Variants in OPN4 observed in about 807,000 individuals in gnomAD.
OPN4 encodes opsin 4.
In OPN4, 43 loss-of-function variants were observed where a neutral mutation model predicts 49.5. The ratio of observed to expected loss-of-function variants is 0.87; its 90% CI spans 0.68 to 1.12. The LOEUF (loss-of-function observed/expected upper bound fraction) is 1.12. OPN4 is among the 50% of genes most tolerant of loss of function. The pLI, the probability that OPN4 is intolerant of heterozygous loss-of-function variation, is 0.00. For synonymous variants in OPN4, 263 were observed against 258.0 expected (o/e 1.02, Z -0.19); for missense variants, 657 against 643.9 (o/e 1.02, Z -0.22).
At chr10:86,657,162 C>T (rs751837806) in intron 2 of OPN4, 2 of 780,006 alleles carry the variant, frequency 2.6e-6, no homozygotes, top group East Asian at 2.4e-5. Context: ...GTCATTTCTC[C>T]TCCTTGAGCT....
At position 86,659,339 on chromosome 10, in the gene OPN4, AC is replaced by A. The variant is rs766858033; in HGVS notation, c.672del (p.Tyr225ThrfsTer2). ...PEGLLTSCSW[D>X]YMSFTPAVRA... Reference sequence around the variant, plus strand: ...GGGTTGCTGACATCCTGCTCCTGGGACTACATGAGCTTCACGCCGGCCGTGC... The same window carrying A: ...GGGTTGCTGACATCCTGCTCCTGGGATACATGAGCTTCACGCCGGCCGTGC... On this transcript the variant is annotated frameshift_variant, in exon 5 of 10. Coordinates refer to ENST00000241891, the MANE Select transcript of OPN4 (RefSeq NM_033282.4). LOFTEE classifies it high-confidence loss of function. The A allele has an allele frequency of 6.8e-6, 11 of 1,613,580 alleles. No homozygotes were observed. The highest frequency in any genetic ancestry group is 9.3e-6 in the Non-Finnish European group (11 of 1,180,004).
Position 86,662,448 on chromosome 10 carries a change from C to T in OPN4, c.1254+16C>T, listed in dbSNP as rs1183318138. ...GAGTGAGGTGGTAAGGATGCTGGGC[C>T]CTCACCAGCTTGCGCCTGGCCATCC... On this transcript the variant is annotated intron_variant, in intron 8 of 9. Coordinates refer to ENST00000241891, the MANE Select transcript of OPN4 (RefSeq NM_033282.4). The T allele has an allele frequency of 6.5e-7, 1 of 1,540,570 alleles. No homozygotes were observed. The highest frequency in any genetic ancestry group is 2.4e-5 in the East Asian group (1 of 40,898).
At chr10:86,657,775 T>C (rs189394615) in intron 2 of OPN4, among the ~76,000 whole-genome samples, 7 of 152,170 alleles carry the variant, frequency 4.6e-5, no homozygotes, top group Non-Finnish European at 7.4e-5. Flanking sequence ...AACTGCCCCC[T>C]GCTTCTCTCT....
At position 86,666,074 on chromosome 10, in the gene OPN4, C is replaced by A; in HGVS notation, c.*323C>A. The stretch of plus-strand genomic sequence containing the variant: ...TGTGCTGCAATTGTCCAGGCGATGA[C>A]AATGGTGATGGCTCCAGAGAACACA... On this transcript the variant is annotated 3_prime_UTR_variant, in exon 10 of 10. Transcript: ENST00000241891. 2.6e-6 allele frequency: 1 copy of A among 383,040 alleles called. No individual in the cohort carries two copies. The highest frequency in any genetic ancestry group is 3.7e-5 in the South Asian group (1 of 26,876). 23.7% of individuals were successfully genotyped at this position (383,040 alleles called of 1,614,324 possible).
At chr10:86,657,333 A>G in intron 2 of OPN4, 1 of 736,998 alleles carries the variant, frequency 1.4e-6, no homozygotes, top group Non-Finnish European at 2.5e-6. Flanking sequence ...GAAAATGGGG[A>G]CAATGACGCC....
chr10:86,659,360 C>A lies in OPN4; in HGVS notation c.692C>A (p.Ala231Asp), dbSNP rs1302819240. ...TGGGACTACATGAGCTTCACGCCGGCCGTGCGTGCCTACACCATGCTTCTC... is the reference window on the plus strand; with the variant it reads ...TGGGACTACATGAGCTTCACGCCGGACGTGCGTGCCTACACCATGCTTCTC... ...CSWDYMSFTP[A>D]VRAYTMLLCC... is the part of the protein sequence containing the mutation. Residue 231 changes from alanine to aspartate, a missense_variant, in exon 5 of 10, where the codon GCC becomes GAC. Transcript: ENST00000241891. The A allele has an allele frequency of 6.2e-7, 1 of 1,613,948 alleles. No homozygotes were observed. The highest frequency in any genetic ancestry group is 8.5e-7 in the Non-Finnish European group (1 of 1,180,026).
At chr10:86,655,174 G>C (rs1045413849) in intron 1 of OPN4, among the ~76,000 whole-genome samples, 6 of 152,222 alleles carry the variant, frequency 3.9e-5, no homozygotes, top group African/African-American at 1.2e-4. Context: ...AGGACAAGGG[G>C]CTGGAATGGC....
rs538799376 is a variant in OPN4, at chr10:86,664,098, G to A, written c.1398+296G>A. On this transcript the variant is annotated intron_variant, in intron 9 of 9. Transcript: ENST00000241891. ...GCTGTGGCATGATAAGAGTACATGT[G>A]TGTGTTGATGAGGGTAGGAGGTCTG... is the stretch of plus-strand genomic sequence containing the variant. 2.7e-5 allele frequency: 9 copies of A among 329,258 alleles called. No individual in the cohort carries two copies. The East Asian group carries it at 5.2e-4, about 19-fold the overall frequency. 20.4% of individuals were successfully genotyped at this position (329,258 alleles called of 1,614,324 possible). A position where few individuals can be genotyped will look rare whatever the true frequency, so the allele number is the denominator to read the frequency against.
At chr10:86,665,306 A>AG (rs1373688620) in intron 9 of OPN4, among the ~76,000 whole-genome samples, 1 of 151,996 alleles carries the variant, frequency 6.6e-6, no homozygotes, top group African/African-American at 2.4e-5. Flanking sequence ...AAGCCCTGGG[A>AG]GGGGGTTGGT....
chr10:86,659,826 C>T (rs1363558635), intron 5 of OPN4, 69 bp from the exon 6 acceptor site: 20 of 1,522,874 alleles, frequency 1.3e-5, no homozygotes, highest in Admixed American at 6.8e-5. Flanking sequence ...GGCTCCCCAA[C>T]AGCAGCCGTG....
chr10:86,654,889 A>C lies in OPN4; in HGVS notation c.106A>C (p.Ile36Leu), dbSNP rs1449455043. The change falls in exon 1 of 10, where the codon ATC (isoleucine) becomes CTC (leucine). Residue 36 changes from isoleucine (I) to leucine (L), a missense_variant. By Grantham distance (5) the Ile-to-Leu change is conservative. Coordinates refer to ENST00000241891, the MANE Select transcript of OPN4 (RefSeq NM_033282.4). ...PSWWDSSQSS[I>L]SSLGRLPSIS... is the part of the protein sequence containing the mutation. ...CTGGTGGGACAGCTCCCAGAGCAGCATCTCCAGCCTGGGCCGGCTTCCATC... is the reference window on the plus strand; with the variant it reads ...CTGGTGGGACAGCTCCCAGAGCAGCCTCTCCAGCCTGGGCCGGCTTCCATC... 1 of 1,595,118 alleles carries C rather than the reference A, an allele frequency of 6.3e-7. No individual in the cohort carries two copies.
At chr10:86,661,943 C>T (rs1312685545) in intron 7 of OPN4, among the ~76,000 whole-genome samples, 1 of 152,154 alleles carries the variant, frequency 6.6e-6, no homozygotes, top group African/African-American at 2.4e-5. Flanking sequence ...TCCCTGGTCT[C>T]CATTACCAGA....
At chr10:86,663,327 A>G (rs1844061676) in intron 8 of OPN4, among the ~76,000 whole-genome samples, 1 of 152,212 alleles carries the variant, frequency 6.6e-6, no homozygotes, top group African/African-American at 2.4e-5. Context: ...AAACCACTGT[A>G]GTGAATAACA....
rs1463519302 is a variant in OPN4, at chr10:86,661,318, C to T, written c.1003C>T (p.Pro335Ser). Residue 335 changes from proline to serine, a missense_variant, in exon 7 of 10, where the codon CCA (proline) becomes TCA (serine). By Grantham distance (74) the Pro-to-Ser change is moderately conservative (BLOSUM62 -1). Transcript: ENST00000241891. Reference protein sequence around the residue: ...HVLTPYMSSVPAVIAKASAIH... With the variant: ...HVLTPYMSSVSAVIAKASAIH... ...CCTGACACCCTACATGAGCTCGGTG[C>T]CAGCCGTCATCGCCAAGGCCTCTGC... The T allele has an allele frequency of 2.5e-6, 4 of 1,613,946 alleles. No individual in the cohort carries two copies. The highest frequency in any genetic ancestry group is 3.4e-6 in the Non-Finnish European group (4 of 1,179,992).
chr10:86,658,286 C>A lies in OPN4; in HGVS notation c.424+121C>A, dbSNP rs1843917066. On this transcript the variant is annotated intron_variant, in intron 3 of 9. Coordinates refer to ENST00000241891, the MANE Select transcript of OPN4 (RefSeq NM_033282.4). Reference sequence around the variant, plus strand: ...CTTCTGGGCAGAGAGTGGGTAGCTGCCCTCAGTCCTGTGAGTAAGCAAGAA... The same window carrying A: ...CTTCTGGGCAGAGAGTGGGTAGCTGACCTCAGTCCTGTGAGTAAGCAAGAA... 2.2e-6 allele frequency: 3 copies of A among 1,376,042 alleles called. No homozygotes were observed. In the East Asian group the frequency reaches 6.9e-5, roughly 32 times the overall value. The allele number at this position is 1,376,042 out of a possible 1,614,324, so 85.2% of individuals were successfully genotyped here.
rs1162406448 is a variant in OPN4, at chr10:86,654,732, C to T, written c.-52C>T. On this transcript the variant is annotated 5_prime_UTR_variant, in exon 1 of 10. Transcript: ENST00000241891. ...TGAGCACAGCTGAAGTCCTGAGCTC[C>T]CTGTGCCCTTGACTTCTCTGTGGGC... is the stretch of plus-strand genomic sequence containing the variant. The T allele has an allele frequency of 5.7e-6, 9 of 1,577,888 alleles. No individual in the cohort carries two copies. Among genetic ancestry groups the T allele is most frequent in the Non-Finnish European group, 7.8e-6 (9 of 1,155,254 alleles).
In OPN4 at chr10:86,663,686, G is replaced by T. The variant is rs763234972; in HGVS notation, c.1282G>T (p.Val428Leu). Residue 428 changes from valine to leucine, a missense_variant, in exon 9 of 10, where the codon GTG (valine) becomes TTG (leucine). Coordinates refer to ENST00000241891, the MANE Select transcript of OPN4 (RefSeq NM_033282.4). ...CTGGACACACATGGAGGCAGCAGCT[G>T]TGTGGGGAGCTGCCCAGCAAGCAAA... Reference protein sequence around the residue: ...VGWTHMEAAAVWGAAQQANGR... With the variant: ...VGWTHMEAAALWGAAQQANGR... 1.5e-5 allele frequency: 23 copies of T among 1,564,298 alleles called. No homozygotes were observed. Among genetic ancestry groups the T allele is most frequent in the Middle Eastern group, 1.8e-4 (1 of 5,714 alleles).
chr10:86,661,201 G>A (rs1843996530), intron 6 of OPN4, 80 bp from the exon 7 acceptor site: 6 of 1,166,668 alleles, frequency 5.1e-6, no homozygotes, highest in Admixed American at 1.8e-5. Context: ...TAGGATTTGG[G>A]CTTTGGCAGG....
Position 86,659,883 on chromosome 10 carries a change from C to G in OPN4, c.801-12C>G. 6.2e-7 allele frequency: 1 copy of G among 1,613,732 alleles called. No homozygotes were observed. Among genetic ancestry groups the G allele is most frequent in the Non-Finnish European group, 8.5e-7 (1 of 1,179,784 alleles). On this transcript the variant is annotated splice_polypyrimidine_tract_variant and intron_variant, in intron 5 of 9. Transcript: ENST00000241891. Reference sequence around the variant, plus strand: ...CGACTAGGGTCAGACCTGGACGATGCGTCCTTCCTAGGGCTCTCCAGACCT... The same window carrying G: ...CGACTAGGGTCAGACCTGGACGATGGGTCCTTCCTAGGGCTCTCCAGACCT...
Sources: gnomAD v4.1 joint callset for allele counts (sites outside exome capture counted in the v4.1 genomes callset) on GRCh38, gnomAD v4.1.1 for gene constraint, MANE v1.5 for transcripts, NCBI Gene and HGNC (gene_info 2026-07-23, HGNC 2026-07-21) for gene names.